The following ZHX3 variants were observed in gnomAD, a reference collection of about 807,000 sequenced individuals.
The protein encoded by ZHX3 is zinc fingers and homeoboxes 3, also known as zinc fingers and homeoboxes protein 3.
In ZHX3, 20 loss-of-function variants were observed where a neutral mutation model predicts 64.5. That is an observed-to-expected ratio of 0.31 (90% CI 0.22 to 0.45). The LOEUF (loss-of-function observed/expected upper bound fraction) is 0.45. Among genes scored for constraint, ZHX3 ranks in the 20% least tolerant of loss-of-function variants. The probability of loss-of-function intolerance (pLI) is 1.00; values close to 1 mark genes in which losing one functional copy is unlikely to be tolerated. For synonymous variants in ZHX3, 423 were observed against 461.6 expected, an observed-to-expected ratio of 0.92 and a Z score of 1.07; for missense variants, 1,041 against 1,195.8, an observed-to-expected ratio of 0.87 and a Z score of 1.91.
Position 41,181,042 on chromosome 20 carries a change from A to C in ZHX3, c.*4149T>G, listed in dbSNP as rs2036233045. The C allele has an allele frequency of 6.6e-6, 1 of 152,230 alleles. No homozygotes were observed. 9.4% of individuals were successfully genotyped at this position (152,230 alleles called of 1,614,324 possible). ...TGAGATCAAGTGCTCCCCAAACTAC[A>C]TGGGAGTAGCCCCCCGTGGTCTGGG... On this transcript the variant is annotated 3_prime_UTR_variant, in exon 4 of 4. Transcript: ENST00000683867.
At chr20:41,255,679 G>C (rs1233190906) in intron 2 of ZHX3, among the ~76,000 whole-genome samples, 1 of 152,172 alleles carries the variant, frequency 6.6e-6, no homozygotes, top group African/African-American at 2.4e-5. Context: ...GAAGGGCCAG[G>C]GAAGAGGCTA....
At chr20:41,259,806 T>G (rs2146557478) in intron 2 of ZHX3, among the ~76,000 whole-genome samples, 1 of 152,332 alleles carries the variant, frequency 6.6e-6, no homozygotes, top group African/African-American at 2.4e-5. Context: ...ATTTTATTAT[T>G]TATTTAGTCT....
At chr20:41,241,150 T>C (rs2041355864) in intron 2 of ZHX3, among the ~76,000 whole-genome samples, 1 of 152,208 alleles carries the variant, frequency 6.6e-6, no homozygotes, top group South Asian at 2.1e-4. Flanking sequence ...GTCCCTTTTC[T>C]CCATATCCTC....
intron 1 of ZHX3, among the ~76,000 whole-genome samples, chr20:41,269,789 CAGACGTGTAGGCATT>C (rs1358166128): frequency 6.6e-6 from 1 of 151,876 alleles, no homozygotes; most frequent in Non-Finnish European, 1.5e-5. Flanking sequence ...GAACTTCCAA[CAGACGTGTAGGCATT>C]GTACACTAGA....
chr20:41,229,905 C>T (rs2092203), intron 2 of ZHX3, among the ~76,000 whole-genome samples: 87,488 of 151,866 alleles, frequency 0.58, 26,369 homozygotes, highest in East Asian at 0.82. Context: ...TTTAGGTCTT[C>T]GATTCATTTT....
At chr20:41,189,276 T>A (rs1371673303) in intron 3 of ZHX3, among the ~76,000 whole-genome samples, 1 of 152,246 alleles carries the variant, frequency 6.6e-6, no homozygotes, top group African/African-American at 2.4e-5. Context: ...GGTAATGTGA[T>A]GCCTACAGCT....
At chr20:41,286,180 GCTA>G (rs1445323880) in intron 1 of ZHX3, among the ~76,000 whole-genome samples, 3 of 152,112 alleles carry the variant, frequency 2.0e-5, no homozygotes, top group Non-Finnish European at 2.9e-5. Context: ...CAGAAAGATG[GCTA>G]CTGTCAAGTT....
chr20:41,269,119 A>AGT (rs1422066033), intron 1 of ZHX3, 36 bp from the exon 2 acceptor site: 2 of 152,220 alleles, frequency 1.3e-5, no homozygotes, highest in Non-Finnish European at 2.9e-5. Flanking sequence ...CTTTATGAGA[A>AGT]AACATTTTAG....
At chr20:41,259,736 T>G (rs116722354) in intron 2 of ZHX3, among the ~76,000 whole-genome samples, 1 of 152,128 alleles carries the variant, frequency 6.6e-6, no homozygotes. Context: ...GAAAAAAATC[T>G]GGAAAGTTTC....
intron 2 of ZHX3, among the ~76,000 whole-genome samples, chr20:41,209,695 C>T (rs1361698157): frequency 5.9e-5 from 9 of 152,108 alleles, no homozygotes; most frequent in East Asian, 1.9e-4. Context: ...AAAATTAATT[C>T]GAGATGGATT....
intron 2 of ZHX3, among the ~76,000 whole-genome samples, chr20:41,248,301 C>T (rs924474351): frequency 3.3e-5 from 5 of 151,988 alleles, no homozygotes; most frequent in African/African-American, 7.2e-5. Context: ...TGTCATACAA[C>T]GATTTCTCCA....
intron 2 of ZHX3, among the ~76,000 whole-genome samples, chr20:41,231,310 C>T (rs771275315): frequency 6.6e-6 from 1 of 152,202 alleles, no homozygotes; most frequent in Non-Finnish European, 1.5e-5. Context: ...CAGTTTTTCT[C>T]AGCATGGCAT....
intron 2 of ZHX3, among the ~76,000 whole-genome samples, chr20:41,257,028 T>C (rs182755383): frequency 6.6e-6 from 1 of 152,228 alleles, no homozygotes; most frequent in Non-Finnish European, 1.5e-5. Flanking sequence ...AGAACATGCA[T>C]AAACCTCTAG....
At position 41,224,274 on chromosome 20, in the gene ZHX3, T is replaced by C. The variant is rs1346570718; in HGVS notation, c.-150-19208A>G. On this transcript the variant is annotated intron_variant, in intron 2 of 3. Coordinates refer to ENST00000683867, the MANE Select transcript of ZHX3 (RefSeq NM_001384317.1). The surrounding 1 kb of genome is among the most constrained non-coding windows in gnomAD (Gnocchi z 5.2). ...TTAGTTGGACCTGGTTCCCAGCTTT[T>C]AGATTTGTCTTTTGGACATAAATCA... is the stretch of plus-strand genomic sequence containing the variant. Among the ~76,000 whole-genome samples the C allele has an allele frequency of 6.6e-6, 1 of 152,218 alleles. No homozygotes were observed. The highest frequency in any genetic ancestry group is 1.9e-4 in the East Asian group (1 of 5,202).
rs1315098332 is a variant in ZHX3, at chr20:41,185,516, GCCA to G, written c.2861-318_2861-316del. 3 of 505,660 alleles carry G rather than the reference GCCA, an allele frequency of 5.9e-6. No individual in the cohort carries two copies. Among genetic ancestry groups the G allele is most frequent in the Non-Finnish European group, 1.0e-5 (3 of 288,270 alleles). The allele number at this position is 505,660 out of a possible 1,614,324, so 31.3% of individuals were successfully genotyped here. On this transcript the variant is annotated intron_variant, in intron 3 of 3. Transcript: ENST00000683867. The surrounding 1 kb of genome is among the most constrained non-coding windows in gnomAD (Gnocchi z 5.0). ...AATCCCCCTAGCTCCCCAGGCTTCC[GCCA>G]CCACCGTCTCTGGAGTCCTGTCCTA...
In ZHX3 at chr20:41,224,451, T is replaced by C. The variant is rs776760063; in HGVS notation, c.-150-19385A>G. 1.1e-4 allele frequency among the ~76,000 whole-genome samples: 16 copies of C among 152,204 alleles called. No individual in the cohort carries two copies. The highest frequency in any genetic ancestry group is 1.0e-4 in the Non-Finnish European group (7 of 68,030). On this transcript the variant is annotated intron_variant, in intron 2 of 3. Coordinates refer to ENST00000683867, the MANE Select transcript of ZHX3 (RefSeq NM_001384317.1). This position sits in a 1 kb window ranked among gnomAD's most constrained non-coding sequence, Gnocchi z 5.2. ...TCTATACATTCTAATTTGTCTGCAT[T>C]TCTCACAAAATGTGGCAATTAGAAC...
rs778964054 is a variant in ZHX3 at position 41,183,198 on chromosome 20, T to A, written c.*1993A>T. On this transcript the variant is annotated 3_prime_UTR_variant, in exon 4 of 4. Transcript: ENST00000683867. The surrounding 1 kb of genome is among the most constrained non-coding windows in gnomAD (Gnocchi z 5.3). ...ATGTGTGTGTGTATATATATATATA[T>A]AAATTAATCTGCACGTATATAAACA... 6.6e-6 allele frequency: 1 copy of A among 152,080 alleles called. No homozygotes were observed. Among genetic ancestry groups the A allele is most frequent in the Non-Finnish European group, 1.5e-5 (1 of 67,998 alleles). 9.4% of individuals were successfully genotyped at this position (152,080 alleles called of 1,614,324 possible). A position where few individuals can be genotyped will look rare whatever the true frequency, so the allele number is the denominator to read the frequency against.
intron 2 of ZHX3, 104 bp downstream of exon 2, chr20:41,268,886 A>G (rs1291614462): frequency 6.6e-6 from 1 of 152,264 alleles, no homozygotes; most frequent in Admixed American, 6.5e-5. Context: ...CGAAGACTAA[A>G]TATAAAGACT....
intron 1 of ZHX3, among the ~76,000 whole-genome samples, chr20:41,274,841 G>A (rs574820916): frequency 6.6e-6 from 1 of 152,144 alleles, no homozygotes; most frequent in African/African-American, 2.4e-5. Flanking sequence ...AGGTGATCCA[G>A]CAACATCAGA....
Sources: gnomAD v4.1 joint callset for allele counts (sites outside exome capture counted in the v4.1 genomes callset) on GRCh38, gnomAD v4.1.1 for gene constraint, Gnocchi (gnomAD v3.1) non-coding constraint, MANE v1.5 for transcripts, NCBI Gene and HGNC (gene_info 2026-07-23, HGNC 2026-07-21) for gene names.